The following PKIB variants were observed in gnomAD, a reference collection of about 807,000 sequenced individuals.
PKIB encodes the protein PKI-beta.
PKIB carries 2 observed loss-of-function variants against 4.5 expected under a neutral mutation model. That is an observed-to-expected ratio of 0.44 (90% confidence interval 0.18 to 1.39). The LOEUF is 1.39. Among genes scored for constraint, PKIB ranks in the 40% most tolerant of loss-of-function variants. PKIB has a pLI of 0.27. For missense variants in PKIB, 94 were observed against 92.6 expected (o/e 1.02, Z -0.06); for synonymous variants, 38 against 36.0 (o/e 1.06, Z -0.20).
At chr6:122,724,904 A>G (rs932623741) in intron 4 of PKIB, among the ~76,000 whole-genome samples, 1 of 152,132 alleles carries the variant, frequency 6.6e-6, no homozygotes, top group African/African-American at 2.4e-5. Context: ...AGAATACCCT[A>G]GAAGACTGTC....
At chr6:122,646,084 A>G (rs1474703167) in intron 2 of PKIB, among the ~76,000 whole-genome samples, 1 of 152,104 alleles carries the variant, frequency 6.6e-6, no homozygotes, top group African/African-American at 2.4e-5. Context: ...AGGTGTTATT[A>G]TTCCTTATTC....
At chr6:122,539,188 A>G (rs140121868) in intron 2 of PKIB, among the ~76,000 whole-genome samples, 2,137 of 151,998 alleles carry the variant, frequency 0.014, 26 homozygotes, top group Non-Finnish European at 0.017. Flanking sequence ...TCTCCTGCCT[A>G]ATTGCCCTGG....
intron 2 of PKIB, among the ~76,000 whole-genome samples, chr6:122,571,425 A>G (rs1202190764): frequency 6.6e-6 from 1 of 152,234 alleles, no homozygotes; most frequent in Non-Finnish European, 1.5e-5. Context: ...TTGCAAAAAG[A>G]TTATCACCAA....
At chr6:122,474,903 T>A (rs1775413920) in intron 1 of PKIB, among the ~76,000 whole-genome samples, 1 of 152,202 alleles carries the variant, frequency 6.6e-6, no homozygotes, top group South Asian at 2.1e-4. Flanking sequence ...ATAGTAAAAA[T>A]TTCAATAATG....
intron 2 of PKIB, among the ~76,000 whole-genome samples, chr6:122,634,879 T>G (rs999983956): frequency 5.3e-5 from 8 of 150,890 alleles, no homozygotes; most frequent in Non-Finnish European, 7.4e-5. Context: ...GAGGCGGAGC[T>G]TGCAGTGAGC....
intron 2 of PKIB, among the ~76,000 whole-genome samples, chr6:122,665,563 A>G (rs544023302): frequency 2.6e-5 from 4 of 152,358 alleles, no homozygotes; most frequent in East Asian, 3.9e-4. Context: ...AGGACAAAGT[A>G]GACTCGGGAG....
rs1184141256 is a variant in PKIB at position 122,726,356 on chromosome 6, A to G, written c.*1161A>G. On this transcript the variant is annotated 3_prime_UTR_variant, in exon 5 of 5. Coordinates refer to ENST00000368452, the MANE Select transcript of PKIB (RefSeq NM_181795.3). ...TAACCAAATAAACTCTTTCACTATT[A>G]AAGAGATTTCTTACTGACACAAGTC... The G allele has an allele frequency of 6.6e-6, 1 of 152,150 alleles. No homozygotes were observed. The highest frequency in any genetic ancestry group is 1.5e-5 in the Non-Finnish European group (1 of 68,006). The allele number at this position is 152,150 out of a possible 1,614,324, so 9.4% of individuals were successfully genotyped here. A position where few individuals can be genotyped will look rare whatever the true frequency, so the allele number is the denominator to read the frequency against.
At chr6:122,537,155 C>CTTTAT (rs1188830901) in intron 2 of PKIB, among the ~76,000 whole-genome samples, 2 of 151,868 alleles carry the variant, frequency 1.3e-5, no homozygotes, top group African/African-American at 4.8e-5. Context: ...ACAGAATCAA[C>CTTTAT]TTTATTTTAT....
At chr6:122,591,713 A>G (rs746563253) in intron 3 of PKIB, among the ~76,000 whole-genome samples, 1 of 151,852 alleles carries the variant, frequency 6.6e-6, no homozygotes, top group Middle Eastern at 3.4e-3. Flanking sequence ...GTATTTATTT[A>G]TTATTTTTAT....
At chr6:122,717,755 T>C in intron 3 of PKIB, 32 bp from the exon 4 acceptor site, 1 of 1,607,368 alleles carries the variant, frequency 6.2e-7, no homozygotes, top group Non-Finnish European at 8.5e-7. Flanking sequence ...CTGAATAGGC[T>C]CATCTTCTTC....
intron 3 of PKIB, among the ~76,000 whole-genome samples, chr6:122,694,636 G>A (rs79947789): frequency 5.5e-4 from 83 of 152,144 alleles, no homozygotes; most frequent in African/African-American, 1.9e-3. Flanking sequence ...AGAAAAAAGG[G>A]GAATTAATTT....
chr6:122,527,220 A>G (rs1011356213), intron 2 of PKIB, among the ~76,000 whole-genome samples: 12 of 151,978 alleles, frequency 7.9e-5, no homozygotes, highest in African/African-American at 2.7e-4. Flanking sequence ...TATTCAGACC[A>G]CTCAAACTGT....
intron 1 of PKIB, among the ~76,000 whole-genome samples, chr6:122,622,349 G>C (rs1264899860): frequency 6.6e-6 from 1 of 151,804 alleles, no homozygotes; most frequent in Non-Finnish European, 1.5e-5. Flanking sequence ...AAAGATTTTA[G>C]TTCTGATGCT....
intron 2 of PKIB, among the ~76,000 whole-genome samples, chr6:122,562,975 T>G (rs1423778133): frequency 6.6e-6 from 1 of 152,132 alleles, no homozygotes; most frequent in Non-Finnish European, 1.5e-5. Context: ...AATCAAGGAT[T>G]TCTTCTTGGT....
chr6:122,638,874 G>A (rs1776025816), intron 2 of PKIB, among the ~76,000 whole-genome samples: 1 of 152,114 alleles, frequency 6.6e-6, no homozygotes, highest in Non-Finnish European at 1.5e-5. Flanking sequence ...CTCAGGAGAT[G>A]TGCCTAAAAG....
At chr6:122,670,498 T>TTTGTTGTTG (rs61201088) in intron 2 of PKIB, among the ~76,000 whole-genome samples, 3,435 of 151,208 alleles carry the variant, frequency 0.023, 106 homozygotes, top group African/African-American at 0.075. Flanking sequence ...ATCACATGTT[T>TTTGTTGTTG]TTGTTGTTGT....
chr6:122,594,164 A>G (rs1038900701), intron 3 of PKIB, among the ~76,000 whole-genome samples: 4 of 152,186 alleles, frequency 2.6e-5, no homozygotes, highest in South Asian at 2.1e-4. Context: ...TGTGAAGTCA[A>G]TAAATCTTAT....
At chr6:122,500,948 A>G (rs1466091733) in intron 2 of PKIB, among the ~76,000 whole-genome samples, 1 of 152,188 alleles carries the variant, frequency 6.6e-6, no homozygotes, top group Non-Finnish European at 1.5e-5. Flanking sequence ...GTGAGAACTC[A>G]TTCACTACCA....
intron 2 of PKIB, chr6:122,483,242 T>C (rs1056673689): frequency 1.1e-4 from 16 of 152,188 alleles, no homozygotes; most frequent in African/African-American, 3.9e-4. Flanking sequence ...GATGAAAATT[T>C]GATGGAAGTA....
Sources: allele counts gnomAD v4.1 joint callset (sites outside exome capture counted in the v4.1 genomes callset), GRCh38; gene constraint gnomAD v4.1.1; transcripts MANE v1.5; gene names NCBI Gene and HGNC (gene_info 2026-07-23, HGNC 2026-07-21).